ADCY8: variants seen among roughly 807,000 people sequenced by gnomAD.
The protein encoded by ADCY8 is adenylate cyclase type 8.
Under a neutral mutation model 119.7 loss-of-function variants are expected in ADCY8, and 51 were observed. That is an observed-to-expected ratio of 0.43 (90% CI 0.34 to 0.54). The LOEUF is 0.54. Among genes scored for constraint, ADCY8 ranks in the 20% least tolerant of loss-of-function variants. The probability of loss-of-function intolerance (pLI) is 0.03; values close to 1 mark genes in which losing one functional copy is unlikely to be tolerated. For missense variants in ADCY8, 1,383 were observed against 1,598.8 expected, an observed-to-expected ratio of 0.87 and a Z score of 2.30; for synonymous variants, 665 against 651.0, an observed-to-expected ratio of 1.02 and a Z score of -0.33.
intron 9 of ADCY8, among the ~76,000 whole-genome samples, chr8:130,859,133 C>G (rs992450099): frequency 6.6e-6 from 1 of 152,130 alleles, no homozygotes; most frequent in African/African-American, 2.4e-5. Context: ...GTCATTGCTT[C>G]CAGGCCCTCT....
intron 11 of ADCY8, among the ~76,000 whole-genome samples, chr8:130,842,022 G>A (rs1005595669): frequency 5.3e-5 from 8 of 152,132 alleles, no homozygotes; most frequent in African/African-American, 1.9e-4. Context: ...GACTCTCCAG[G>A]GTGTTCACTG....
intron 11 of ADCY8, among the ~76,000 whole-genome samples, chr8:130,837,148 C>T (rs1247286321): frequency 1.3e-5 from 2 of 152,146 alleles, no homozygotes; most frequent in Non-Finnish European, 2.9e-5. Context: ...CAGTTAGTCC[C>T]CAGTCCCCAC....
chr8:130,927,897 G>T (rs1189211151), intron 5 of ADCY8, among the ~76,000 whole-genome samples: 1 of 152,176 alleles, frequency 6.6e-6, no homozygotes, highest in Non-Finnish European at 1.5e-5. Context: ...TAGAGGAAAA[G>T]ATTGCAACTT....
At chr8:130,864,712 C>T (rs570720572) in intron 9 of ADCY8, among the ~76,000 whole-genome samples, 1 of 151,954 alleles carries the variant, frequency 6.6e-6, no homozygotes, top group Non-Finnish European at 1.5e-5. Context: ...CTTTTATTTC[C>T]TTTGATTTTC....
intron 5 of ADCY8, among the ~76,000 whole-genome samples, chr8:130,926,309 GA>G (rs112225613): frequency 5.0e-4 from 72 of 143,712 alleles, no homozygotes; most frequent in Middle Eastern, 3.6e-3. Context: ...TTGTTTCCAG[GA>G]AAAAAAAAAA....
intron 2 of ADCY8, among the ~76,000 whole-genome samples, chr8:130,985,588 A>C (rs1822379109): frequency 5.3e-5 from 8 of 152,170 alleles, no homozygotes; most frequent in Admixed American, 5.2e-4. Flanking sequence ...TTGGAGCAGA[A>C]AGAATAAAGA....
At chr8:130,990,771 AG>A in intron 1 of ADCY8, 1 of 425,926 alleles carries the variant, frequency 2.3e-6, no homozygotes, top group Non-Finnish European at 4.0e-6. Flanking sequence ...CTTTCTCCCC[AG>A]GTTTAGACTG....
intron 12 of ADCY8, among the ~76,000 whole-genome samples, chr8:130,822,339 A>G (rs1469267581): frequency 6.6e-6 from 1 of 152,176 alleles, no homozygotes; most frequent in Non-Finnish European, 1.5e-5. Context: ...GGTCTCCAGT[A>G]TGGGGATAAA....
rs528547366 is a variant in ADCY8, at chr8:130,849,897, C to T, written c.2211-94G>A. On this transcript the variant is annotated intron_variant, in intron 9 of 17. Coordinates refer to ENST00000286355, the MANE Select transcript of ADCY8 (RefSeq NM_001115.3). Reference sequence around the variant, plus strand: ...GGTCTTCCTTTCCCATCCCTTGCATCGGATACTTCTTTGAAAGTTCTGTTT... The same window carrying T: ...GGTCTTCCTTTCCCATCCCTTGCATTGGATACTTCTTTGAAAGTTCTGTTT... The T allele has an allele frequency of 4.2e-5, 42 of 1,008,804 alleles. No homozygotes were observed. The Middle Eastern group carries it at 9.1e-4, about 22-fold the overall frequency. The allele number at this position is 1,008,804 out of a possible 1,614,324, so 62.5% of individuals were successfully genotyped here. A position where few individuals can be genotyped will look rare whatever the true frequency, so the allele number is the denominator to read the frequency against.
chr8:131,029,577 A>G (rs1328980135), intron 1 of ADCY8, among the ~76,000 whole-genome samples: 1 of 152,210 alleles, frequency 6.6e-6, no homozygotes, highest in Non-Finnish European at 1.5e-5. Context: ...TGATCCATTT[A>G]AAGTGTTTGA....
At chr8:130,842,129 A>G (rs545691554) in intron 11 of ADCY8, among the ~76,000 whole-genome samples, 2 of 152,328 alleles carry the variant, frequency 1.3e-5, no homozygotes, top group East Asian at 3.9e-4. Context: ...CTGGTTTTCC[A>G]TGGTTGTATT....
chr8:130,804,179 G>T (rs1352471852), intron 14 of ADCY8, among the ~76,000 whole-genome samples: 1 of 152,208 alleles, frequency 6.6e-6, no homozygotes, highest in East Asian at 1.9e-4. Flanking sequence ...TGCTAGGGCT[G>T]TTGTAATAAA....
At chr8:130,930,638 G>A (rs1033566844) in intron 5 of ADCY8, among the ~76,000 whole-genome samples, 1 of 151,978 alleles carries the variant, frequency 6.6e-6, no homozygotes, top group African/African-American at 2.4e-5. Flanking sequence ...TTCATAACAG[G>A]TTATTTTAAG....
At position 130,785,013 on chromosome 8, in the gene ADCY8, G is replaced by T. The variant is rs550651741; in HGVS notation, c.3153+370C>A. ...GTCAACACTCCAAAAAGCAGCAACT[G>T]TTATTATTATGATGTAAGACTTTTG... is the stretch of plus-strand genomic sequence containing the variant. On this transcript the variant is annotated intron_variant, in intron 16 of 17. Coordinates refer to ENST00000286355, the MANE Select transcript of ADCY8 (RefSeq NM_001115.3). 5.1e-4 allele frequency among the ~76,000 whole-genome samples: 77 copies of T among 152,274 alleles called. 2 individuals carry two copies. In the South Asian group the frequency reaches 0.016, roughly 32 times the overall value.
At chr8:130,973,644 C>G (rs958356031) in intron 2 of ADCY8, among the ~76,000 whole-genome samples, 1 of 152,122 alleles carries the variant, frequency 6.6e-6, no homozygotes, top group Non-Finnish European at 1.5e-5. Context: ...TCTGGTGTTA[C>G]TTTTTTACAG....
chr8:130,813,977 G>A (rs2130169910), intron 14 of ADCY8, 92 bp downstream of exon 14: 8 of 1,493,720 alleles, frequency 5.4e-6, no homozygotes, highest in Non-Finnish European at 6.4e-6. Context: ...CATGATGACA[G>A]TGAAATTCTC....
chr8:130,963,349 A>G (rs1821665420), intron 2 of ADCY8, among the ~76,000 whole-genome samples: 1 of 152,214 alleles, frequency 6.6e-6, no homozygotes, highest in Non-Finnish European at 1.5e-5. Context: ...GAAATTTTCA[A>G]GGGAGTGATG....
At chr8:131,009,872 G>A (rs144299866) in intron 1 of ADCY8, among the ~76,000 whole-genome samples, 374 of 152,276 alleles carry the variant, frequency 2.5e-3, no homozygotes, top group African/African-American at 8.7e-3. Flanking sequence ...ATTTGGGGAG[G>A]TAAAAAAGTG....
chr8:130,904,076 C>T, intron 6 of ADCY8, 34 bp from the exon 7 acceptor site: 1 of 1,571,808 alleles, frequency 6.4e-7, no homozygotes, highest in East Asian at 2.3e-5. Context: ...TTACACACTC[C>T]TGATGTTGCC....
Sources: allele counts gnomAD v4.1 joint callset (sites outside exome capture counted in the v4.1 genomes callset), GRCh38; gene constraint gnomAD v4.1.1; transcripts MANE v1.5; gene names NCBI Gene and HGNC (gene_info 2026-07-23, HGNC 2026-07-21).